SETDB2: variants seen among roughly 807,000 people sequenced by gnomAD.
SETDB2 encodes the protein SET domain bifurcated histone lysine methyltransferase 2.
A neutral mutation model predicts 82.5 loss-of-function variants in SETDB2; 56 were observed. The observed-to-expected ratio is 0.68, with a 90% confidence interval of 0.55 to 0.85. SETDB2 has a LOEUF of 0.85. Ranked by LOEUF, SETDB2 falls within the 40% of genes least tolerant of loss-of-function variation. The pLI, the probability that SETDB2 is intolerant of heterozygous loss-of-function variation, is 0.00. For synonymous variants in SETDB2, 272 were observed against 284.9 expected, an observed-to-expected ratio of 0.95 and a Z score of 0.46; for missense variants, 677 against 816.4, an observed-to-expected ratio of 0.83 and a Z score of 2.08.
chr13:49,457,506 C>T (rs1241718015), intron 2 of SETDB2, among the ~76,000 whole-genome samples: 3 of 151,150 alleles, frequency 2.0e-5, no homozygotes, highest in African/African-American at 7.3e-5. Flanking sequence ...CAATCTCAAC[C>T]CACTGTAACC....
At chr13:49,475,894 G>T (rs934281465) in intron 5 of SETDB2, among the ~76,000 whole-genome samples, 7 of 152,150 alleles carry the variant, frequency 4.6e-5, no homozygotes, top group Non-Finnish European at 8.8e-5. Context: ...ATTATGGAAA[G>T]AATTAAGTTG....
intron 1 of SETDB2, among the ~76,000 whole-genome samples, chr13:49,447,873 T>C (rs1007149722): frequency 1.3e-5 from 2 of 152,236 alleles, no homozygotes; most frequent in East Asian, 3.9e-4. Context: ...TAGCTTCCCA[T>C]ATTTTTCCTG....
Position 49,477,028 on chromosome 13 carries a change from C to G in SETDB2, c.858C>G (p.Gly286=). 6.3e-7 allele frequency: 1 copy of G among 1,591,582 alleles called. No homozygotes were observed. Among genetic ancestry groups the G allele is most frequent in the Non-Finnish European group, 8.5e-7 (1 of 1,173,490 alleles). ...CTGATTCCTGTGACTGCTCTGAGGG[C>G]TGCATAGACATGTGAGTAGAAAAAC... ...MFTDSCDCSE[G]CIDITKCACL... is the part of the protein sequence containing the mutation. Residue 286 remains glycine, a synonymous_variant, in exon 6 of 14, where the codon GGC becomes GGG. Coordinates refer to ENST00000611815, the MANE Select transcript of SETDB2 (RefSeq NM_001160308.3).
chr13:49,479,451 CGTT>C (rs979159023), intron 6 of SETDB2, among the ~76,000 whole-genome samples: 3 of 152,128 alleles, frequency 2.0e-5, no homozygotes, highest in Admixed American at 6.5e-5. Flanking sequence ...TGATTGTTGT[CGTT>C]GTTCTTTTCT....
chr13:49,483,608 A>ATTTTT, intron 10 of SETDB2, 45 bp downstream of exon 10: 2 of 490,652 alleles, frequency 4.1e-6, no homozygotes, highest in South Asian at 5.3e-5. Context: ...TTCTTTTTTA[A>ATTTTT]ATTTTTTTTT....
chr13:49,447,123 A>C lies in SETDB2; in HGVS notation c.-342+2266A>C, dbSNP rs534633538. 3.9e-5 allele frequency among the ~76,000 whole-genome samples: 6 copies of C among 152,248 alleles called. No individual in the cohort carries two copies. In the South Asian group the frequency reaches 1.2e-3, roughly 32 times the overall value. ...TCTGTGATCTAAGATTGAAGTGTCT[A>C]TTATGTTTGTTAACCTATAATTTAT... On this transcript the variant is annotated intron_variant, in intron 1 of 13. Transcript: ENST00000611815.
chr13:49,470,071 C>T (rs1474084306), intron 5 of SETDB2, among the ~76,000 whole-genome samples: 1 of 152,152 alleles, frequency 6.6e-6, no homozygotes, highest in Non-Finnish European at 1.5e-5. Context: ...ACCAATGTTG[C>T]GTATTCATAA....
chr13:49,481,437 A>G (rs184290657), intron 8 of SETDB2, among the ~76,000 whole-genome samples: 406 of 129,720 alleles, frequency 3.1e-3, no homozygotes, highest in Middle Eastern at 0.011. Context: ...TGTTAAAAGT[A>G]AAAAAAAAAA....
chr13:49,451,818 C>T lies in SETDB2; in HGVS notation c.-76C>T. The T allele has an allele frequency of 8.4e-7, 1 of 1,183,808 alleles. No individual in the cohort carries two copies. Among genetic ancestry groups the T allele is most frequent in the Non-Finnish European group, 1.2e-6 (1 of 814,754 alleles). The allele number at this position is 1,183,808 out of a possible 1,614,324, so 73.3% of individuals were successfully genotyped here. On this transcript the variant is annotated 5_prime_UTR_variant, in exon 2 of 14. Transcript: ENST00000611815. ...TTTTATAGAGACCACAGTTGGATTCCAGTGATATTCTGCAATCAAAGTGAT... is the reference window on the plus strand; with the variant it reads ...TTTTATAGAGACCACAGTTGGATTCTAGTGATATTCTGCAATCAAAGTGAT...
In SETDB2 at chr13:49,493,527, A is replaced by T. The variant is rs1027241687; in HGVS notation, c.*1678A>T. The T allele has an allele frequency of 6.6e-6, 1 of 152,156 alleles. No homozygotes were observed. Among genetic ancestry groups the T allele is most frequent in the African/African-American group, 2.4e-5 (1 of 41,410 alleles). The allele number at this position is 152,156 out of a possible 1,614,324, so 9.4% of individuals were successfully genotyped here. A position where few individuals can be genotyped will look rare whatever the true frequency, so the allele number is the denominator to read the frequency against. On this transcript the variant is annotated 3_prime_UTR_variant, in exon 14 of 14. Transcript: ENST00000611815. ...AGATTCACTTTGTCTCTTATGTGGG[A>T]TCTGTTTCCAGTTAGATGCCATTAT...
At chr13:49,474,521 T>A (rs7323574) in intron 5 of SETDB2, among the ~76,000 whole-genome samples, 4,256 of 152,336 alleles carry the variant, frequency 0.028, 209 homozygotes, top group African/African-American at 0.098. Flanking sequence ...TTTACGTGTA[T>A]GAAATTGTTA....
intron 5 of SETDB2, among the ~76,000 whole-genome samples, chr13:49,470,891 C>T (rs9526562): frequency 2.0e-5 from 3 of 151,364 alleles, no homozygotes; most frequent in African/African-American, 7.3e-5. Context: ...AGGATGAAAT[C>T]TTGGGTCTAA....
At chr13:49,446,359 T>C in intron 1 of SETDB2, 1 of 456,280 alleles carries the variant, frequency 2.2e-6, no homozygotes, top group Non-Finnish European at 4.4e-6. Context: ...AAAGTTCGTA[T>C]ATGATAAAAA....
chr13:49,471,935 T>TATATATATATATATATATATATA (rs561242564), intron 5 of SETDB2, among the ~76,000 whole-genome samples: 2 of 99,764 alleles, frequency 2.0e-5, no homozygotes, highest in African/African-American at 9.6e-5. Flanking sequence ...TATATATATA[T>TATATATATATATATATATATATA]TTTTTTTTTT....
At chr13:49,450,198 A>G (rs2095416283) in intron 1 of SETDB2, among the ~76,000 whole-genome samples, 1 of 152,060 alleles carries the variant, frequency 6.6e-6, no homozygotes, top group African/African-American at 2.4e-5. Flanking sequence ...TACTCAGTGG[A>G]TTCAGTTTGC....
chr13:49,459,690 A>G (rs903927642), intron 2 of SETDB2, among the ~76,000 whole-genome samples: 1 of 152,168 alleles, frequency 6.6e-6, no homozygotes, highest in Non-Finnish European at 1.5e-5. Flanking sequence ...GACTTTTTTA[A>G]AAAGCAGTAT....
At chr13:49,477,178 G>GT in intron 6 of SETDB2, 139 bp downstream of exon 6, 1 of 765,268 alleles carries the variant, frequency 1.3e-6, no homozygotes, top group Non-Finnish European at 2.0e-6. Context: ...GCCCACGTGT[G>GT]TAATCCCAGC....
intron 4 of SETDB2, among the ~76,000 whole-genome samples, chr13:49,462,105 T>C (rs959587738): frequency 6.6e-6 from 1 of 152,186 alleles, no homozygotes; most frequent in Non-Finnish European, 1.5e-5. Context: ...GTCTGAAAGC[T>C]CTCTGAACCC....
Position 49,485,663 on chromosome 13 carries a change from G to A in SETDB2, c.1516G>A (p.Asp506Asn). The A allele has an allele frequency of 1.9e-6, 3 of 1,613,992 alleles. No homozygotes were observed. The highest frequency in any genetic ancestry group is 2.5e-6 in the Non-Finnish European group (3 of 1,179,978). ...TTCCTCGGAGTCTGTCACTCCAGAA[G>A]ATAATGATGGATTTAAACCACCCCG... ...FVSSESVTPE[D>N]NDGFKPPREH... Residue 506 changes from aspartate to asparagine, a missense_variant, in exon 11 of 14, where the codon GAT becomes AAT. Physicochemically the swap from Asp to Asn is conservative, Grantham distance 23. Coordinates refer to ENST00000611815, the MANE Select transcript of SETDB2 (RefSeq NM_001160308.3).
Sources: allele counts gnomAD v4.1 joint callset (sites outside exome capture counted in the v4.1 genomes callset), GRCh38; gene constraint gnomAD v4.1.1; transcripts MANE v1.5; gene names NCBI Gene and HGNC (gene_info 2026-07-23, HGNC 2026-07-21).